KIF16B: variants seen among roughly 807,000 people sequenced by gnomAD.
KIF16B encodes kinesin family member 16B.
In KIF16B, 98 loss-of-function variants were observed where a neutral mutation model predicts 156.3. That is an observed-to-expected ratio of 0.63 (90% CI 0.53 to 0.74). KIF16B has a LOEUF of 0.74. KIF16B is among the 30% of genes least tolerant of loss of function. The pLI is 0.00. For synonymous variants in KIF16B, 564 were observed against 583.7 expected (o/e 0.97, Z 0.49); for missense variants, 1,421 against 1,606.5 (o/e 0.88, Z 1.97).
intron 3 of KIF16B, among the ~76,000 whole-genome samples, chr20:16,520,673 G>A (rs565820509): frequency 1.4e-4 from 22 of 152,292 alleles, no homozygotes; most frequent in Non-Finnish European, 2.6e-4. Flanking sequence ...CAGCACTCAC[G>A]CTCTGCTAAG....
chr20:16,318,115 C>T (rs1233340756), intron 24 of KIF16B, among the ~76,000 whole-genome samples: 1 of 151,724 alleles, frequency 6.6e-6, no homozygotes, highest in Admixed American at 6.5e-5. Flanking sequence ...TCTGCCCCTC[C>T]TTGCTCCCAC....
At chr20:16,412,919 T>A (rs2065994757) in intron 15 of KIF16B, among the ~76,000 whole-genome samples, 1 of 151,908 alleles carries the variant, frequency 6.6e-6, no homozygotes, top group Non-Finnish European at 1.5e-5. Flanking sequence ...TGAGAATGGC[T>A]GATAATGTAG....
intron 3 of KIF16B, among the ~76,000 whole-genome samples, chr20:16,517,873 A>G (rs1327370104): frequency 1.3e-5 from 2 of 152,270 alleles, no homozygotes; most frequent in African/African-American, 4.8e-5. Flanking sequence ...AGAATAAAGA[A>G]GGACTGTTTC....
chr20:16,420,064 A>G (rs1226843017), intron 15 of KIF16B, among the ~76,000 whole-genome samples: 2 of 152,154 alleles, frequency 1.3e-5, no homozygotes, highest in African/African-American at 4.8e-5. Context: ...GAATACACCA[A>G]TTGAAGAGCA....
intron 24 of KIF16B, among the ~76,000 whole-genome samples, chr20:16,316,569 C>T (rs1215369944): frequency 6.6e-6 from 1 of 152,120 alleles, no homozygotes; most frequent in East Asian, 1.9e-4. Context: ...AATGAGGGCC[C>T]TGATGCTGAC....
chr20:16,519,936 C>T (rs1568635488), intron 3 of KIF16B, among the ~76,000 whole-genome samples: 1 of 152,190 alleles, frequency 6.6e-6, no homozygotes, highest in South Asian at 2.1e-4. Flanking sequence ...ACTCCCTCCC[C>T]TAGCCAAGGG....
intron 25 of KIF16B, among the ~76,000 whole-genome samples, chr20:16,282,147 T>A (rs546862734): frequency 8.0e-5 from 12 of 150,542 alleles, no homozygotes; most frequent in African/African-American, 2.7e-4. Context: ...TCCTCCTGCC[T>A]CGGCCTCCTG....
chr20:16,378,963 C>T lies in KIF16B; in HGVS notation c.3039G>A (p.Glu1013=). 6.2e-7 allele frequency: 1 copy of T among 1,614,142 alleles called. No individual in the cohort carries two copies. Among genetic ancestry groups the T allele is most frequent in the Admixed American group, 1.7e-5 (1 of 60,024 alleles). Residue 1013 remains glutamate, a synonymous_variant, in exon 19 of 26, where the codon GAG becomes GAA. Transcript: ENST00000354981. ...GCCTCTGCAGCGCAGAATGTCTCCTCTCCAGCCTGGCCAGGGCCCGCTCCA... is the reference window on the plus strand; with the variant it reads ...GCCTCTGCAGCGCAGAATGTCTCCTTTCCAGCCTGGCCAGGGCCCGCTCCA... ...EALERALARL[E]RRHSALQRHS... is the part of the protein sequence containing the mutation.
rs1030387767 is a variant in KIF16B at position 16,430,800 on chromosome 20, C to T, written c.1303-818G>A. 3.3e-5 allele frequency among the ~76,000 whole-genome samples: 5 copies of T among 151,840 alleles called. No individual in the cohort carries two copies. In the South Asian group the frequency reaches 1.0e-3, roughly 32 times the overall value. ...TCCAGGGCAGATGTCTCCCTTAAGTCCCATACTCAAATGTATACCGCATAT... is the reference window on the plus strand; with the variant it reads ...TCCAGGGCAGATGTCTCCCTTAAGTTCCATACTCAAATGTATACCGCATAT... On this transcript the variant is annotated intron_variant, in intron 12 of 25. Coordinates refer to ENST00000354981, the MANE Select transcript of KIF16B (RefSeq NM_024704.5).
intron 23 of KIF16B, among the ~76,000 whole-genome samples, chr20:16,340,564 C>T (rs895106414): frequency 2.0e-5 from 3 of 152,188 alleles, no homozygotes; most frequent in Admixed American, 2.0e-4. Context: ...ATATACTCTG[C>T]CTCTTAGTGA....
At chr20:16,513,069 C>T in intron 4 of KIF16B, 146 bp from the exon 5 acceptor site, 1 of 604,144 alleles carries the variant, frequency 1.7e-6, no homozygotes, top group Non-Finnish European at 3.0e-6. Flanking sequence ...ATACCCCCTC[C>T]AGGGCTGCTT....
intron 12 of KIF16B, among the ~76,000 whole-genome samples, chr20:16,465,767 TAA>T (rs11484109): frequency 6.8e-6 from 1 of 147,222 alleles, no homozygotes; most frequent in Non-Finnish European, 1.5e-5. Flanking sequence ...TCCTCTCACT[TAA>T]AAAAAAAAAA....
At chr20:16,413,971 G>A (rs1287313826) in intron 15 of KIF16B, among the ~76,000 whole-genome samples, 2 of 151,804 alleles carry the variant, frequency 1.3e-5, no homozygotes, top group Admixed American at 6.6e-5. Context: ...TTTTCCTTCT[G>A]ATTTAAAATA....
chr20:16,379,852 T>C lies in KIF16B; in HGVS notation c.2150A>G (p.Asn717Ser), dbSNP rs2065048634. 1.2e-6 allele frequency: 2 copies of C among 1,614,238 alleles called. No homozygotes were observed. The highest frequency in any genetic ancestry group is 1.7e-6 in the Non-Finnish European group (2 of 1,180,046). The change falls in exon 19 of 26, where the codon AAC (asparagine) becomes AGC (serine). Residue 717 changes from asparagine to serine, a missense_variant. Coordinates refer to ENST00000354981, the MANE Select transcript of KIF16B (RefSeq NM_024704.5). Reference sequence around the variant, plus strand: ...CTGAAACTTCTCAGCCTTCTCGTTGTTGTTGAGTTCTTTGAGTCGTTGGAG... The same window carrying C: ...CTGAAACTTCTCAGCCTTCTCGTTGCTGTTGAGTTCTTTGAGTCGTTGGAG... ...EELQRLKELNNNEKAEKFQIF... is the reference protein window; with the variant it reads ...EELQRLKELNSNEKAEKFQIF...
chr20:16,514,582 GAAA>G (rs540602451), intron 4 of KIF16B, among the ~76,000 whole-genome samples: 27,803 of 77,038 alleles, frequency 0.36, 3,010 homozygotes, highest in East Asian at 0.52. Flanking sequence ...TAAGAAATAA[GAAA>G]AAAAAAAAAA....
At chr20:16,326,469 G>GA (rs905284239) in intron 24 of KIF16B, among the ~76,000 whole-genome samples, 34 of 146,266 alleles carry the variant, frequency 2.3e-4, no homozygotes, top group East Asian at 4.1e-4. Flanking sequence ...AAAAGAAAAA[G>GA]AAAAAAAAAC....
chr20:16,455,065 T>C (rs1011067244), intron 12 of KIF16B, among the ~76,000 whole-genome samples: 1 of 152,184 alleles, frequency 6.6e-6, no homozygotes, highest in African/African-American at 2.4e-5. Context: ...AAAAGCAGAA[T>C]GTCTGTCGTT....
At chr20:16,558,021 AG>A (rs1168454872) in intron 1 of KIF16B, among the ~76,000 whole-genome samples, 2 of 152,162 alleles carry the variant, frequency 1.3e-5, no homozygotes, top group Non-Finnish European at 2.9e-5. Context: ...GGAAAAATAG[AG>A]GGGGGACAGG....
At chr20:16,461,618 C>A (rs566353934) in intron 12 of KIF16B, among the ~76,000 whole-genome samples, 1 of 152,296 alleles carries the variant, frequency 6.6e-6, no homozygotes, top group South Asian at 2.1e-4. Flanking sequence ...AGAGCTCTTT[C>A]TAAAAATCAC....
Sources: allele counts gnomAD v4.1 joint callset (sites outside exome capture counted in the v4.1 genomes callset), GRCh38; gene constraint gnomAD v4.1.1; transcripts MANE v1.5; gene names NCBI Gene and HGNC (gene_info 2026-07-23, HGNC 2026-07-21).